The following GALNTL6 variants were observed in gnomAD, a reference collection of about 807,000 sequenced individuals.
GALNTL6 encodes the protein polypeptide N-acetylgalactosaminyltransferase-like 6.
Under a neutral mutation model 73.7 loss-of-function variants are expected in GALNTL6, and 46 were observed. That is an observed-to-expected ratio of 0.62 (90% CI 0.49 to 0.80). The LOEUF is 0.80. GALNTL6 is among the 30% of genes least tolerant of loss of function. The pLI, the probability that GALNTL6 is intolerant of heterozygous loss-of-function variation, is 0.00. For synonymous variants in GALNTL6, 259 were observed against 263.7 expected, an observed-to-expected ratio of 0.98 and a Z score of 0.17; for missense variants, 604 against 755.0, an observed-to-expected ratio of 0.80 and a Z score of 2.34.
intron 2 of GALNTL6, among the ~76,000 whole-genome samples, chr4:172,175,883 T>C (rs1031283730): frequency 1.3e-5 from 2 of 152,168 alleles, no homozygotes; most frequent in African/African-American, 4.8e-5. Context: ...CCACATACAC[T>C]TTAGGATTAA....
intron 5 of GALNTL6, among the ~76,000 whole-genome samples, chr4:172,461,190 G>A (rs1216851569): frequency 6.6e-6 from 1 of 152,000 alleles, no homozygotes; most frequent in Non-Finnish European, 1.5e-5. Context: ...ACACAGGGAG[G>A]GAAAGATCAC....
intron 3 of GALNTL6, among the ~76,000 whole-genome samples, chr4:172,308,845 T>C (rs879855546): frequency 1.3e-5 from 2 of 152,202 alleles, no homozygotes; most frequent in Non-Finnish European, 2.9e-5. Flanking sequence ...GTCTCTCTTT[T>C]ATTTACTTAC....
chr4:172,384,865 G>C (rs989203075), intron 5 of GALNTL6, among the ~76,000 whole-genome samples: 3 of 151,948 alleles, frequency 2.0e-5, no homozygotes, highest in Admixed American at 2.0e-4. Context: ...TTCTGTTTCA[G>C]CCTCTGAGTA....
intron 5 of GALNTL6, among the ~76,000 whole-genome samples, chr4:172,714,142 A>G (rs149938906): frequency 6.9e-4 from 105 of 152,252 alleles, no homozygotes; most frequent in African/African-American, 2.3e-3. Context: ...TGGGAAAGGG[A>G]TATTATTGTT....
chr4:172,776,730 A>G (rs1017863708), intron 5 of GALNTL6, among the ~76,000 whole-genome samples: 1 of 152,202 alleles, frequency 6.6e-6, no homozygotes, highest in African/African-American at 2.4e-5. Flanking sequence ...GGTGCCTGCA[A>G]ACTCAACTGT....
At chr4:172,132,497 C>G (rs765115945) in intron 2 of GALNTL6, among the ~76,000 whole-genome samples, 1 of 152,022 alleles carries the variant, frequency 6.6e-6, no homozygotes, top group Non-Finnish European at 1.5e-5. Context: ...AATAGGGTTA[C>G]TTTATTAATT....
chr4:172,068,785 T>C (rs1731428487), intron 2 of GALNTL6, among the ~76,000 whole-genome samples: 1 of 111,320 alleles, frequency 9.0e-6, no homozygotes, highest in African/African-American at 3.4e-5. Flanking sequence ...AAAGATACTT[T>C]TGTGAAAGAA....
At chr4:172,487,296 TTC>T (rs1554029531) in intron 5 of GALNTL6, among the ~76,000 whole-genome samples, 1 of 82,168 alleles carries the variant, frequency 1.2e-5, no homozygotes, top group Non-Finnish European at 2.6e-5. Flanking sequence ...CCTTCTTTCC[TTC>T]TGTCTTTCTT....
intron 6 of GALNTL6, among the ~76,000 whole-genome samples, chr4:172,812,283 A>G (rs1045989285): frequency 6.6e-6 from 1 of 152,216 alleles, no homozygotes; most frequent in African/African-American, 2.4e-5. Context: ...TTTATCCCCA[A>G]CACAAATTAC....
At chr4:171,882,899 T>TA (rs1736491099) in intron 2 of GALNTL6, among the ~76,000 whole-genome samples, 6 of 152,202 alleles carry the variant, frequency 3.9e-5, no homozygotes, top group African/African-American at 1.2e-4. Context: ...CCAGGAATAG[T>TA]ATGTGACATT....
chr4:172,593,254 G>T (rs1309109837), intron 5 of GALNTL6, among the ~76,000 whole-genome samples: 1 of 151,916 alleles, frequency 6.6e-6, no homozygotes, highest in Admixed American at 6.6e-5. Context: ...CCATAATCTT[G>T]TTTGTTACCT....
intron 5 of GALNTL6, among the ~76,000 whole-genome samples, chr4:172,434,762 G>A (rs964036367): frequency 3.3e-5 from 5 of 152,088 alleles, no homozygotes; most frequent in Non-Finnish European, 7.4e-5. Flanking sequence ...TCTGAACTAA[G>A]AGAACCAAAC....
chr4:172,646,183 C>A (rs1480771906), intron 5 of GALNTL6, among the ~76,000 whole-genome samples: 1 of 152,026 alleles, frequency 6.6e-6, no homozygotes. Context: ...CAGGTCCATT[C>A]TAGGCATTTT....
At chr4:172,810,618 T>C (rs1431037167) in intron 6 of GALNTL6, among the ~76,000 whole-genome samples, 1 of 152,088 alleles carries the variant, frequency 6.6e-6, no homozygotes, top group East Asian at 1.9e-4. Context: ...GGGAAATCAA[T>C]TGAAACTGTG....
intron 2 of GALNTL6, among the ~76,000 whole-genome samples, chr4:171,980,994 C>T (rs1739881125): frequency 6.6e-6 from 1 of 152,160 alleles, no homozygotes; most frequent in Admixed American, 6.6e-5. Flanking sequence ...TGAAACATTT[C>T]AAATGCCTTA....
intron 2 of GALNTL6, among the ~76,000 whole-genome samples, chr4:171,900,304 TTTTA>T (rs1463457932): frequency 6.6e-6 from 1 of 152,006 alleles, no homozygotes; most frequent in Non-Finnish European, 1.5e-5. Flanking sequence ...CTTAGTGATA[TTTTA>T]TTTATTTATT....
intron 5 of GALNTL6, among the ~76,000 whole-genome samples, chr4:172,719,725 G>C (rs916117912): frequency 7.9e-5 from 12 of 152,056 alleles, no homozygotes; most frequent in Admixed American, 4.6e-4. Flanking sequence ...GAGGGTTCTT[G>C]GGTCATGTGC....
At chr4:172,058,778 T>A (rs911439377) in intron 2 of GALNTL6, among the ~76,000 whole-genome samples, 2 of 152,192 alleles carry the variant, frequency 1.3e-5, no homozygotes, top group African/African-American at 4.8e-5. Flanking sequence ...CTTACTTCCC[T>A]CTTTCTTCTC....
intron 2 of GALNTL6, among the ~76,000 whole-genome samples, chr4:171,852,477 C>G (rs1427536721): frequency 6.6e-6 from 1 of 151,660 alleles, no homozygotes; most frequent in East Asian, 1.9e-4. Context: ...ATACCATTTG[C>G]TATTCAAAAG....
Sources: allele counts gnomAD v4.1 joint callset (sites outside exome capture counted in the v4.1 genomes callset), GRCh38; gene constraint gnomAD v4.1.1; transcripts MANE v1.5; gene names NCBI Gene and HGNC (gene_info 2026-07-23, HGNC 2026-07-21).